The following LPCAT2 variants were observed in gnomAD, a reference collection of about 807,000 sequenced individuals.
LPCAT2 encodes the protein lysophosphatidylcholine acyltransferase 2.
In LPCAT2, 58 loss-of-function variants were observed where a neutral mutation model predicts 64.7. The ratio of observed to expected loss-of-function variants is 0.90; its 90% CI spans 0.73 to 1.12. LPCAT2 has a LOEUF of 1.12. Ranked by LOEUF, LPCAT2 falls within the 50% of genes most tolerant of loss-of-function variation. LPCAT2 has a pLI of 0.00. For missense variants in LPCAT2, 579 were observed against 669.8 expected (o/e 0.86, Z 1.50); for synonymous variants, 252 against 245.3 (o/e 1.03, Z -0.26).
intron 1 of LPCAT2, 127 bp downstream of exon 1, chr16:55,509,479 G>T: frequency 2.0e-6 from 2 of 1,024,234 alleles, no homozygotes; most frequent in African/African-American, 3.4e-5. Context: ...AGGGAGTGAG[G>T]TGGTCCGAGG....
chr16:55,516,098 CTT>C (rs1190533369), intron 1 of LPCAT2, among the ~76,000 whole-genome samples: 1 of 152,082 alleles, frequency 6.6e-6, no homozygotes, highest in Non-Finnish European at 1.5e-5. Flanking sequence ...GAGAGACACA[CTT>C]TATTTATTCA....
intron 3 of LPCAT2, among the ~76,000 whole-genome samples, chr16:55,529,256 C>T (rs1449661223): frequency 1.3e-5 from 2 of 152,050 alleles, no homozygotes; most frequent in Admixed American, 6.6e-5. Flanking sequence ...TGCCTCAGTG[C>T]TCTGGAGAAG....
chr16:55,527,990 T>C (rs1963196693), intron 2 of LPCAT2, among the ~76,000 whole-genome samples: 1 of 152,222 alleles, frequency 6.6e-6, no homozygotes. Context: ...GATATCTCAG[T>C]AGGGGATGTG....
chr16:55,579,288 C>T (rs1279590421), intron 13 of LPCAT2, 44 bp downstream of exon 13: 6 of 1,592,750 alleles, frequency 3.8e-6, no homozygotes, highest in Non-Finnish European at 2.6e-6. Context: ...ACAAGGAGGA[C>T]ATCCAGACTA....
At position 55,579,228 on chromosome 16, in the gene LPCAT2, G is replaced by C; in HGVS notation, c.1434G>C (p.Gly478=). Residue 478 remains glycine (G), a synonymous_variant, in exon 13 of 14, where the codon GGG becomes GGC. Transcript: ENST00000262134. ...GTCTCTTCAAGGAAATAGCCCAAGG[G>C]GACTCAATTTCCTATGGTGAGTAGG... ...VSGLFKEIAQ[G]DSISYEEFKS... is the part of the protein sequence containing the mutation. The C allele has an allele frequency of 6.2e-7, 1 of 1,612,842 alleles. No homozygotes were observed. The highest frequency in any genetic ancestry group is 8.5e-7 in the Non-Finnish European group (1 of 1,179,372).
At chr16:55,528,953 T>TC (rs1963214015) in intron 3 of LPCAT2, among the ~76,000 whole-genome samples, 1 of 152,212 alleles carries the variant, frequency 6.6e-6, no homozygotes, top group Non-Finnish European at 1.5e-5. Flanking sequence ...TGCTGTTTGA[T>TC]GAATTTATCT....
rs1455225302 is a variant in LPCAT2, at chr16:55,509,075, G to A, written c.-107G>A. Reference sequence around the variant, plus strand: ...TAAGTAACTTCAGCGCCTGCGCAGAGGCTCCCCAGCGTCGCCCTAGGCTGG... The same window carrying A: ...TAAGTAACTTCAGCGCCTGCGCAGAAGCTCCCCAGCGTCGCCCTAGGCTGG... On this transcript the variant is annotated 5_prime_UTR_variant, in exon 1 of 14. Coordinates refer to ENST00000262134, the MANE Select transcript of LPCAT2 (RefSeq NM_017839.5). The A allele has an allele frequency of 2.0e-6, 2 of 1,012,458 alleles. No individual in the cohort carries two copies. The highest frequency in any genetic ancestry group is 2.6e-6 in the Non-Finnish European group (2 of 776,318). 62.7% of individuals were successfully genotyped at this position (1,012,458 alleles called of 1,614,324 possible). A position where few individuals can be genotyped will look rare whatever the true frequency, so the allele number is the denominator to read the frequency against.
intron 13 of LPCAT2, among the ~76,000 whole-genome samples, chr16:55,582,278 G>C (rs1177687539): frequency 1.3e-5 from 2 of 152,086 alleles, no homozygotes; most frequent in African/African-American, 4.8e-5. Context: ...TCTTAAAGAA[G>C]GGGGTTGTTA....
At position 55,545,741 on chromosome 16, in the gene LPCAT2, C is replaced by T. The variant is rs747109798; in HGVS notation, c.859C>T (p.Pro287Ser). Residue 287 changes from proline to serine, a missense_variant, in exon 9 of 14, where the codon CCA becomes TCA. Physicochemically the swap from Pro to Ser is moderately conservative, Grantham distance 74. Coordinates refer to ENST00000262134, the MANE Select transcript of LPCAT2 (RefSeq NM_017839.5). ...LFTKVEVEFMPVQVPNDEEKN... is the reference protein window; with the variant it reads ...LFTKVEVEFMSVQVPNDEEKN... Reference sequence around the variant, plus strand: ...AGGTATATTTGTCTTTCAGTTTATGCCAGTTCAAGTACCAAATGATGAAGA... The same window carrying T: ...AGGTATATTTGTCTTTCAGTTTATGTCAGTTCAAGTACCAAATGATGAAGA... 32 of 1,608,908 alleles carry T rather than the reference C, an allele frequency of 2.0e-5. No individual in the cohort carries two copies. Among genetic ancestry groups the T allele is most frequent in the Non-Finnish European group, 2.7e-5 (32 of 1,176,956 alleles).
chr16:55,551,286 A>G (rs1323000205), intron 11 of LPCAT2, 184 bp downstream of exon 11: 3 of 349,062 alleles, frequency 8.6e-6, no homozygotes, highest in East Asian at 4.4e-5. Context: ...GTGTGTGTGT[A>G]TTGTAACATT....
intron 11 of LPCAT2, among the ~76,000 whole-genome samples, chr16:55,554,672 A>G (rs1184741657): frequency 6.6e-6 from 1 of 152,206 alleles, no homozygotes; most frequent in Admixed American, 6.5e-5. Flanking sequence ...CTTTGCATTC[A>G]CAACTTGGCT....
rs762651357 is a variant in LPCAT2, at chr16:55,509,271, C to T, written c.90C>T (p.Pro30=). 5.3e-6 allele frequency: 8 copies of T among 1,510,352 alleles called. No homozygotes were observed. The highest frequency in any genetic ancestry group is 1.7e-4 in the Middle Eastern group (1 of 5,758). The allele number at this position is 1,510,352 out of a possible 1,614,324, so 93.6% of individuals were successfully genotyped here. Residue 30 remains proline (P), a synonymous_variant, in exon 1 of 14, where the codon CCC becomes CCT. Transcript: ENST00000262134. ...TGGGGCTGCGGCCGCCCATGGTGCC[C>T]CGTCAGGCGTCCTTCTTCCCGCCGC... ...GNVGLRPPMV[P]RQASFFPPPV...
rs762310291 is a variant in LPCAT2, at chr16:55,576,958, CA to C, written c.1315-2149del. On this transcript the variant is annotated intron_variant, in intron 12 of 13. Transcript: ENST00000262134. The stretch of plus-strand genomic sequence containing the variant: ...AGAGACACCAAAGCACCAAACCTGG[CA>C]AGAATTTAGACTGTTTAGATGAGTT... 2.1e-3 allele frequency among the ~76,000 whole-genome samples: 320 copies of C among 152,282 alleles called. 1 individual carries two copies. Among genetic ancestry groups the C allele is most frequent in the Non-Finnish European group, 2.8e-3 (193 of 68,006 alleles).
rs1274187819 is a variant in LPCAT2, at chr16:55,570,910, G to C, written c.1216-3721G>C. On this transcript the variant is annotated intron_variant, in intron 11 of 13. Transcript: ENST00000262134. ...GTATTTTAATAATAATACTCCTTTG[G>C]ATTTATAGAGTATCTCTGACGATGT... 3.3e-5 allele frequency among the ~76,000 whole-genome samples: 5 copies of C among 152,016 alleles called. No individual in the cohort carries two copies. In the East Asian group the frequency reaches 9.7e-4, roughly 29 times the overall value.
chr16:55,509,201 C>A lies in LPCAT2; in HGVS notation c.20C>A (p.Ala7Glu), dbSNP rs749598536. The A allele has an allele frequency of 2.1e-6, 3 of 1,410,144 alleles. No individual in the cohort carries two copies. The highest frequency in any genetic ancestry group is 2.8e-5 in the Admixed American group (1 of 35,590). The allele number at this position is 1,410,144 out of a possible 1,614,324, so 87.4% of individuals were successfully genotyped here. The change falls in exon 1 of 14, where the codon GCG becomes GAG. Residue 7 changes from alanine (A) to glutamate (E), a missense_variant. Ala to Glu is a moderately radical substitution (Grantham distance 107). Coordinates refer to ENST00000262134, the MANE Select transcript of LPCAT2 (RefSeq NM_017839.5). ...TCAACTATGAGCCGGTGCGCCCAGG[C>A]GGCGGAAGTGGCGGCCACAGTGCCA... MSRCAQ[A>E]AEVAATVPGA...
intron 11 of LPCAT2, among the ~76,000 whole-genome samples, chr16:55,573,310 T>C (rs896507990): frequency 6.6e-6 from 1 of 152,168 alleles, no homozygotes; most frequent in Non-Finnish European, 1.5e-5. Flanking sequence ...CAAAGAATTC[T>C]TGCCTTAGTG....
chr16:55,514,512 CAA>C (rs1438333422), intron 1 of LPCAT2, among the ~76,000 whole-genome samples: 1 of 152,044 alleles, frequency 6.6e-6, no homozygotes, highest in African/African-American at 2.4e-5. Flanking sequence ...GCCACAATGA[CAA>C]AGAATAAAAG....
chr16:55,580,151 C>T (rs1276516585), intron 13 of LPCAT2, among the ~76,000 whole-genome samples: 2 of 152,122 alleles, frequency 1.3e-5, no homozygotes, highest in Non-Finnish European at 2.9e-5. Context: ...AGCTTGTTAA[C>T]TTTCATGGGA....
intron 8 of LPCAT2, chr16:55,542,145 G>T: frequency 3.3e-6 from 1 of 304,438 alleles, no homozygotes; most frequent in Non-Finnish European, 5.7e-6. Context: ...GACTGGCTTT[G>T]GTTGATGGAT....
Sources: allele counts gnomAD v4.1 joint callset (sites outside exome capture counted in the v4.1 genomes callset), GRCh38; gene constraint gnomAD v4.1.1; transcripts MANE v1.5; gene names NCBI Gene and HGNC (gene_info 2026-07-23, HGNC 2026-07-21).